The following MCF2L2 variants were observed in gnomAD, a reference collection of about 807,000 sequenced individuals.
MCF2L2 encodes the protein MCF.2 cell line derived transforming sequence-like 2.
MCF2L2 carries 102 observed loss-of-function variants against 150.2 expected under a neutral mutation model. That is an observed-to-expected ratio of 0.68 (90% CI 0.58 to 0.80). The LOEUF (loss-of-function observed/expected upper bound fraction) is 0.80, where lower values mean the gene tolerates loss of function less well. MCF2L2 is among the 30% of genes least tolerant of loss of function. The pLI is 0.00. For missense variants in MCF2L2, 1,256 were observed against 1,372.8 expected (o/e 0.91, Z 1.34); for synonymous variants, 465 against 491.3 (o/e 0.95, Z 0.71).
chr3:183,413,016 G>A (rs1715400994), intron 1 of MCF2L2, among the ~76,000 whole-genome samples: 1 of 152,120 alleles, frequency 6.6e-6, no homozygotes, highest in Admixed American at 6.5e-5. Context: ...ATTGATACAT[G>A]TATTATATTG....
intron 15 of MCF2L2, among the ~76,000 whole-genome samples, chr3:183,233,377 CATATAG>C (rs1303722749): frequency 1.4e-5 from 2 of 145,290 alleles, no homozygotes; most frequent in Non-Finnish European, 3.0e-5. Context: ...TATATACATA[CATATAG>C]ATATAGATAG....
intron 15 of MCF2L2, among the ~76,000 whole-genome samples, chr3:183,246,572 G>T (rs1469704462): frequency 1.3e-5 from 2 of 152,056 alleles, no homozygotes; most frequent in Admixed American, 1.3e-4. Flanking sequence ...ACCACATTTT[G>T]CTTATCCATT....
intron 3 of MCF2L2, among the ~76,000 whole-genome samples, chr3:183,346,830 C>A (rs535180578): frequency 6.6e-6 from 1 of 152,110 alleles, no homozygotes; most frequent in East Asian, 1.9e-4. Flanking sequence ...GAATAAAGTA[C>A]CTAGAAATAC....
Position 183,338,694 on chromosome 3 carries a change from T to A in MCF2L2, c.486+106A>T, listed in dbSNP as rs531126408. On this transcript the variant is annotated intron_variant, in intron 5 of 29. Coordinates refer to ENST00000328913, the MANE Select transcript of MCF2L2 (RefSeq NM_015078.4). The stretch of plus-strand genomic sequence containing the variant: ...GTTCCCTCAGCCCAGAGAACCCTTT[T>A]CTCCCTCTCTACCTGTTGAATCTTA... 12 of 1,199,182 alleles carry A rather than the reference T, an allele frequency of 1.0e-5. No individual in the cohort carries two copies. The African/African-American group carries it at 1.7e-4, about 17-fold the overall frequency. The allele number at this position is 1,199,182 out of a possible 1,614,324, so 74.3% of individuals were successfully genotyped here. A position where few individuals can be genotyped will look rare whatever the true frequency, so the allele number is the denominator to read the frequency against.
In MCF2L2 at chr3:183,179,263, C is replaced by T. The variant is rs1721423656; in HGVS notation, c.*117G>A. The T allele has an allele frequency of 1.5e-6, 2 of 1,321,988 alleles. No individual in the cohort carries two copies. The highest frequency in any genetic ancestry group is 3.1e-5 in the East Asian group (1 of 32,560). The allele number at this position is 1,321,988 out of a possible 1,614,324, so 81.9% of individuals were successfully genotyped here. A position where few individuals can be genotyped will look rare whatever the true frequency, so the allele number is the denominator to read the frequency against. ...GGAGGCCCTGGTTGTCCCCTTTCTG[C>T]CGCCGCCGAGGCTCCGGCTGCTTTC... On this transcript the variant is annotated 3_prime_UTR_variant, in exon 30 of 30. Coordinates refer to ENST00000328913, the MANE Select transcript of MCF2L2 (RefSeq NM_015078.4). The surrounding 1 kb of genome is among the most constrained non-coding windows in gnomAD (Gnocchi z 4.2).
chr3:183,194,475 CA>C (rs1722015072), intron 26 of MCF2L2, among the ~76,000 whole-genome samples: 1 of 152,186 alleles, frequency 6.6e-6, no homozygotes, highest in Admixed American at 6.5e-5. Context: ...AAGTGGAACT[CA>C]GCAGCCAGAG....
intron 14 of MCF2L2, among the ~76,000 whole-genome samples, chr3:183,277,358 G>A (rs1330131109): frequency 1.3e-5 from 2 of 149,724 alleles, no homozygotes; most frequent in Non-Finnish European, 2.9e-5. Flanking sequence ...AAAAAAGCAG[G>A]TGTCCTTTCC....
chr3:183,206,153 C>T lies in MCF2L2; in HGVS notation c.2774G>A (p.Ser925Asn). ...GATGTATTTCTCAAGTCCATTTCGA[C>T]TGGCAATCTCAAACTTTCTATGGCT... ...RGSHRKFEIASRNGLEKYILQ... is the reference protein window; with the variant it reads ...RGSHRKFEIANRNGLEKYILQ... The change falls in exon 24 of 30, where the codon AGT becomes AAT. Residue 925 changes from serine (S) to asparagine (N), a missense_variant. Ser to Asn is a conservative substitution (Grantham distance 46). Transcript: ENST00000328913. 1.2e-6 allele frequency: 2 copies of T among 1,614,186 alleles called. No individual in the cohort carries two copies. Among genetic ancestry groups the T allele is most frequent in the South Asian group, 1.1e-5 (1 of 91,090 alleles).
Position 183,267,610 on chromosome 3 carries a change from G to A in MCF2L2, c.1862+9262C>T, listed in dbSNP as rs903822604. Among the ~76,000 whole-genome samples the A allele has an allele frequency of 4.6e-5, 7 of 152,228 alleles. No homozygotes were observed. Among genetic ancestry groups the A allele is most frequent in the Non-Finnish European group, 8.8e-5 (6 of 68,036 alleles). On this transcript the variant is annotated intron_variant, in intron 15 of 29. Coordinates refer to ENST00000328913, the MANE Select transcript of MCF2L2 (RefSeq NM_015078.4). The surrounding 1 kb of genome is among the most constrained non-coding windows in gnomAD (Gnocchi z 5.5). Reference sequence around the variant, plus strand: ...CTTGCTATGTGGCTCAGCCTACACGGCTCTCTCCCCGTCAGTCCTGTCCAA... The same window carrying A: ...CTTGCTATGTGGCTCAGCCTACACGACTCTCTCCCCGTCAGTCCTGTCCAA...
At chr3:183,297,308 A>G (rs1168652830) in intron 11 of MCF2L2, 141 bp from the exon 12 acceptor site, 1 of 725,310 alleles carries the variant, frequency 1.4e-6, no homozygotes, top group Non-Finnish European at 2.3e-6. Context: ...CATCGAGTTT[A>G]AGGGGTCTAA....
At chr3:183,292,990 G>C (rs1728252603) in intron 13 of MCF2L2, among the ~76,000 whole-genome samples, 1 of 152,150 alleles carries the variant, frequency 6.6e-6, no homozygotes, top group African/African-American at 2.4e-5. Flanking sequence ...TAACAAAACA[G>C]GAACTCTAAA....
intron 15 of MCF2L2, among the ~76,000 whole-genome samples, chr3:183,273,876 G>C (rs533093061): frequency 1.3e-5 from 2 of 152,042 alleles, no homozygotes; most frequent in South Asian, 2.1e-4. Context: ...CTAGGTTCTC[G>C]TATGTATAAC....
At chr3:183,269,768 T>C (rs1451635305) in intron 15 of MCF2L2, 1 of 1,569,822 alleles carries the variant, frequency 6.4e-7, no homozygotes, top group Non-Finnish European at 8.6e-7. Flanking sequence ...TGTTTAAAAC[T>C]GATCCTAACT....
At chr3:183,392,941 A>T (rs1289827223) in intron 1 of MCF2L2, among the ~76,000 whole-genome samples, 1 of 152,222 alleles carries the variant, frequency 6.6e-6, no homozygotes, top group Non-Finnish European at 1.5e-5. Context: ...TCTGCTTCAG[A>T]TTCAGACAGG....
In MCF2L2 at chr3:183,359,738, AG is replaced by A. The variant is rs534992098; in HGVS notation, c.276-18109del. On this transcript the variant is annotated intron_variant, in intron 3 of 29. Transcript: ENST00000328913. ...GGTTTTCAAACAGAGTTTAGCATGA[AG>A]GGTGCCATATAGGCTGTTGTCAACG... Among the ~76,000 whole-genome samples the A allele has an allele frequency of 1.5e-3, 227 of 152,330 alleles. 2 individuals carry two copies. Among genetic ancestry groups the A allele is most frequent in the African/African-American group, 5.4e-3 (226 of 41,586 alleles).
chr3:183,219,447 C>T (rs888082967), intron 21 of MCF2L2, among the ~76,000 whole-genome samples: 1 of 152,122 alleles, frequency 6.6e-6, no homozygotes, highest in East Asian at 1.9e-4. Flanking sequence ...CCCGTCTCTA[C>T]TAAAAATAAA....
At chr3:183,417,303 T>C (rs1715651421) in intron 1 of MCF2L2, among the ~76,000 whole-genome samples, 1 of 152,064 alleles carries the variant, frequency 6.6e-6, no homozygotes, top group Non-Finnish European at 1.5e-5. Context: ...GCTGTATGCA[T>C]TCAGTAGAAA....
chr3:183,403,845 T>C (rs564960450), intron 1 of MCF2L2, among the ~76,000 whole-genome samples: 64 of 152,332 alleles, frequency 4.2e-4, no homozygotes, highest in African/African-American at 1.5e-3. Flanking sequence ...GCACATTCCA[T>C]TGCTGTCTTT....
chr3:183,322,768 A>T (rs1448075781), intron 6 of MCF2L2, among the ~76,000 whole-genome samples: 3 of 152,080 alleles, frequency 2.0e-5, no homozygotes, highest in African/African-American at 2.4e-5. Context: ...TAGTTCTACA[A>T]TCCTTGTCCC....
Sources: gnomAD v4.1 joint callset for allele counts (sites outside exome capture counted in the v4.1 genomes callset) on GRCh38, gnomAD v4.1.1 for gene constraint, Gnocchi (gnomAD v3.1) non-coding constraint, MANE v1.5 for transcripts, NCBI Gene and HGNC (gene_info 2026-07-23, HGNC 2026-07-21) for gene names.